DYNC2I1: variants seen among roughly 807,000 people sequenced by gnomAD.
DYNC2I1 encodes cytoplasmic dynein 2 intermediate chain 1.
A neutral mutation model predicts 133.4 loss-of-function variants in DYNC2I1; 89 were observed. That is an observed-to-expected ratio of 0.67 (90% CI 0.56 to 0.80). DYNC2I1 has a LOEUF of 0.80. Among genes scored for constraint, DYNC2I1 ranks in the 30% least tolerant of loss-of-function variants. DYNC2I1 has a pLI of 0.00. For synonymous variants in DYNC2I1, 504 were observed against 484.3 expected (o/e 1.04, Z -0.54); for missense variants, 1,291 against 1,314.5 (o/e 0.98, Z 0.28).
At chr7:158,856,429 C>A (rs1301424297), upstream of DYNC2I1, 3 of 352,988 alleles carry the variant, frequency 8.5e-6, no homozygotes, top group Non-Finnish European at 1.5e-5. Context: ...TCCTGCCTGG[C>A]GGTTGCTAGG....
chr7:158,878,356 G>A (rs1164813618), intron 4 of DYNC2I1, among the ~76,000 whole-genome samples: 1 of 120,612 alleles, frequency 8.3e-6, no homozygotes, highest in Non-Finnish European at 1.7e-5. Flanking sequence ...GTGGGGAGGC[G>A]AGGAGGGGAG....
chr7:158,841,765 A>G, the DYNC2I1 span, among the ~76,000 whole-genome samples: 3 of 152,202 alleles, frequency 2.0e-5, no homozygotes, highest in Non-Finnish European at 4.4e-5. Flanking sequence ...AGCTCTGTGG[A>G]TGTGGCGCCT....
intron 23 of DYNC2I1, among the ~76,000 whole-genome samples, chr7:158,940,380 GCTCACTCGCCTGCTGCTCAC>G (rs1175380590): frequency 1.3e-5 from 2 of 152,166 alleles, no homozygotes; most frequent in African/African-American, 4.8e-5. Context: ...AGGTGGTAAT[GCTCACTCGCCTGCTGCTCAC>G]CTGTTGCTGT....
chr7:158,869,926 T>C lies in DYNC2I1; in HGVS notation c.69+18T>C. On this transcript the variant is annotated intron_variant, in intron 2 of 24. Transcript: ENST00000407559. ...ATCTCTGGGTAATTATTGTAAAGATTTGGATTGGGATCTGTGCAGGACTCG... is the reference window on the plus strand; with the variant it reads ...ATCTCTGGGTAATTATTGTAAAGATCTGGATTGGGATCTGTGCAGGACTCG... 2 of 1,611,686 alleles carry C rather than the reference T, an allele frequency of 1.2e-6. No individual in the cohort carries two copies. Among genetic ancestry groups the C allele is most frequent in the Admixed American group, 1.7e-5 (1 of 59,904 alleles).
At chr7:158,856,843 G>A in intron 1 of DYNC2I1, 93 bp downstream of exon 1, 1 of 1,207,990 alleles carries the variant, frequency 8.3e-7, no homozygotes, top group Admixed American at 4.3e-5. Context: ...CTCCCTTTGC[G>A]CAGCGGTTCT....
chr7:158,878,185 A>G (rs1359151722), intron 4 of DYNC2I1, among the ~76,000 whole-genome samples: 1,628 of 25,362 alleles, frequency 0.064, no homozygotes, highest in Middle Eastern at 0.14. Flanking sequence ...GAGGAGGGGA[A>G]GCCAGGAGGG....
At chr7:158,921,548 G>A (rs748360776) in intron 15 of DYNC2I1, among the ~76,000 whole-genome samples, 2 of 152,150 alleles carry the variant, frequency 1.3e-5, no homozygotes, top group East Asian at 1.9e-4. Flanking sequence ...AAGACCTGAC[G>A]CTTGCTGGTG....
chr7:158,846,784 T>G, the DYNC2I1 span, among the ~76,000 whole-genome samples: 9 of 152,246 alleles, frequency 5.9e-5, no homozygotes, highest in African/African-American at 2.2e-4. Flanking sequence ...TGAGAAGGCC[T>G]GGGATGGTAA....
At chr7:158,871,047 C>G in intron 2 of DYNC2I1, 95 bp from the exon 3 acceptor site, 1 of 1,384,754 alleles carries the variant, frequency 7.2e-7, no homozygotes, top group Non-Finnish European at 9.7e-7. Context: ...GTTTTAAGGC[C>G]CTTCAGCTGT....
intron 4 of DYNC2I1, among the ~76,000 whole-genome samples, chr7:158,877,052 A>G (rs1330773988): frequency 2.6e-5 from 4 of 152,214 alleles, no homozygotes; most frequent in African/African-American, 9.6e-5. Context: ...TTACTGTTTT[A>G]TAAGTTGTTT....
At chr7:158,910,464 C>A (rs934688047) in intron 11 of DYNC2I1, among the ~76,000 whole-genome samples, 1 of 149,362 alleles carries the variant, frequency 6.7e-6, no homozygotes, top group African/African-American at 2.5e-5. Flanking sequence ...CTATGTCAGG[C>A]CTGTGGGCCG....
chr7:158,954,020 A>G (rs1276814746), intron 4 of DYNC2I1, among the ~76,000 whole-genome samples: 1 of 152,104 alleles, frequency 6.6e-6, no homozygotes, highest in East Asian at 1.9e-4. Flanking sequence ...ATCTGGTGGG[A>G]AGTAACTGAA....
chr7:158,891,891 A>G (rs200292459), intron 8 of DYNC2I1, among the ~76,000 whole-genome samples: 1 of 110,534 alleles, frequency 9.0e-6, no homozygotes, highest in Non-Finnish European at 2.2e-5. Context: ...TGAAGGACGT[A>G]GCGCGGAGCT....
At chr7:158,932,326 C>G (rs1585218329) in intron 21 of DYNC2I1, among the ~76,000 whole-genome samples, 1 of 152,190 alleles carries the variant, frequency 6.6e-6, no homozygotes, top group East Asian at 1.9e-4. Flanking sequence ...GAGGCAAAGA[C>G]TGAGCCAGGC....
Position 158,901,758 on chromosome 7 carries a change from C to T in DYNC2I1, c.1079C>T (p.Thr360Ile), listed in dbSNP as rs776084609. ...EETVEIEKEE[T>I]DLENARADAY... ...CTCTAGGAAATTGAAAAGGAAGAAA[C>T]TGATTTAGAAAATGCTAGAGCTGAT... The change falls in exon 9 of 25, where the codon ACT (threonine) becomes ATT (isoleucine). Residue 360 changes from threonine (T) to isoleucine (I), a missense_variant. Thr to Ile is a moderately conservative substitution (Grantham distance 89, BLOSUM62 -1). Coordinates refer to ENST00000407559, the MANE Select transcript of DYNC2I1 (RefSeq NM_018051.5). 17 of 1,578,962 alleles carry T rather than the reference C, an allele frequency of 1.1e-5. No individual in the cohort carries two copies. The highest frequency in any genetic ancestry group is 3.4e-6 in the Non-Finnish European group (4 of 1,162,824).
At chr7:158,844,695 TC>T in the DYNC2I1 span, among the ~76,000 whole-genome samples, 1 of 152,120 alleles carries the variant, frequency 6.6e-6, no homozygotes, top group Non-Finnish European at 1.5e-5. Flanking sequence ...CAATCTTGGC[TC>T]ACCACAACCT....
At chr7:158,910,670 G>A (rs890133264) in intron 11 of DYNC2I1, among the ~76,000 whole-genome samples, 4 of 151,842 alleles carry the variant, frequency 2.6e-5, no homozygotes, top group Non-Finnish European at 5.9e-5. Flanking sequence ...GCAATTGGCT[G>A]TGTCAGGCTC....
chr7:158,871,518 G>T lies in DYNC2I1; in HGVS notation c.446G>T (p.Arg149Leu). The change falls in exon 3 of 25, where the codon CGC becomes CTC. Residue 149 changes from arginine (R) to leucine (L), a missense_variant. Transcript: ENST00000407559. The stretch of plus-strand genomic sequence containing the variant: ...CACAACCTGCTGGGCCAGGAGACAC[G>T]CGACCGGCAGCTCCTGGAGCGGGCG... ...AHHNLLGQET[R>L]DRQLLERAER... 1.3e-6 allele frequency: 2 copies of T among 1,545,266 alleles called. No homozygotes were observed. Among genetic ancestry groups the T allele is most frequent in the Non-Finnish European group, 1.7e-6 (2 of 1,146,748 alleles).
intron 4 of DYNC2I1, among the ~76,000 whole-genome samples, chr7:158,952,952 G>A (rs1852099651): frequency 6.6e-6 from 1 of 152,150 alleles, no homozygotes; most frequent in Non-Finnish European, 1.5e-5. Context: ...AGAGCCCACT[G>A]CCTCGGGCTC....
Sources: allele counts gnomAD v4.1 joint callset (sites outside exome capture counted in the v4.1 genomes callset), GRCh38; gene constraint gnomAD v4.1.1; transcripts MANE v1.5; gene names NCBI Gene and HGNC (gene_info 2026-07-23, HGNC 2026-07-21).